The following LAMA2 variants were observed in gnomAD, a reference collection of about 807,000 sequenced individuals.
LAMA2 encodes laminin subunit alpha 2, also known as laminin subunit alpha-2.
LAMA2 carries 269 observed loss-of-function variants against 364.8 expected under a neutral mutation model. That is an observed-to-expected ratio of 0.74 (90% CI 0.67 to 0.82). LAMA2 has a LOEUF of 0.82. Ranked by LOEUF, LAMA2 falls within the 40% of genes least tolerant of loss-of-function variation. The probability of loss-of-function intolerance (pLI) is 0.00; values close to 1 mark genes in which losing one functional copy is unlikely to be tolerated. For synonymous variants in LAMA2, 1,379 were observed against 1,370.6 expected (o/e 1.01, Z -0.14); for missense variants, 3,807 against 3,873.2 (o/e 0.98, Z 0.45).
At chr6:129,304,212 C>A (rs73585571) in intron 22 of LAMA2, among the ~76,000 whole-genome samples, 2 of 151,948 alleles carry the variant, frequency 1.3e-5, no homozygotes, top group African/African-American at 2.4e-5. Flanking sequence ...AAGAACATTC[C>A]TTCTTTTGCT....
intron 1 of LAMA2, among the ~76,000 whole-genome samples, chr6:128,997,637 A>G (rs1784069577): frequency 2.0e-5 from 3 of 151,524 alleles, no homozygotes. Flanking sequence ...TCTACCAAAA[A>G]TGCAAAAATT....
chr6:128,974,720 C>T (rs1782413142), intron 1 of LAMA2, among the ~76,000 whole-genome samples: 1 of 152,116 alleles, frequency 6.6e-6, no homozygotes, highest in Non-Finnish European at 1.5e-5. Flanking sequence ...TTCATTTATC[C>T]ATTCATTCAT....
chr6:129,507,081 A>G (rs1190872707), intron 61 of LAMA2, among the ~76,000 whole-genome samples: 1 of 151,596 alleles, frequency 6.6e-6, no homozygotes, highest in Non-Finnish European at 1.5e-5. Flanking sequence ...TACCTTTTCA[A>G]ATAGAAATTG....
rs186515562 is a variant in LAMA2, at chr6:129,271,034, A to G, written c.2450+283A>G. Among the ~76,000 whole-genome samples the G allele has an allele frequency of 4.0e-3, 613 of 152,282 alleles. 4 individuals carry two copies. The highest frequency in any genetic ancestry group is 0.017 in the Middle Eastern group (5 of 294). On this transcript the variant is annotated intron_variant, in intron 17 of 64. Transcript: ENST00000421865. Reference sequence around the variant, plus strand: ...CAATTCCAAAGAACATAAATATTTTATACAAACACATACATGTGCATGCAT... The same window carrying G: ...CAATTCCAAAGAACATAAATATTTTGTACAAACACATACATGTGCATGCAT...
chr6:128,985,139 C>T (rs964237953), intron 1 of LAMA2, among the ~76,000 whole-genome samples: 1 of 152,010 alleles, frequency 6.6e-6, no homozygotes, highest in African/African-American at 2.4e-5. Context: ...TGTGCATGGT[C>T]CTGAATGTGG....
At chr6:129,315,086 C>A (rs975824370) in intron 24 of LAMA2, among the ~76,000 whole-genome samples, 3 of 152,124 alleles carry the variant, frequency 2.0e-5, no homozygotes, top group African/African-American at 7.2e-5. Context: ...AGAGTGAGGG[C>A]ACCAGAGCAT....
At chr6:129,370,501 G>A (rs1355402964) in intron 34 of LAMA2, among the ~76,000 whole-genome samples, 1 of 152,162 alleles carries the variant, frequency 6.6e-6, no homozygotes, top group African/African-American at 2.4e-5. Context: ...CATTTATCAG[G>A]CTTTTTAAAG....
At chr6:129,249,945 G>T (rs1786052109) in intron 12 of LAMA2, among the ~76,000 whole-genome samples, 167 bp from the exon 13 acceptor site, 1 of 152,078 alleles carries the variant, frequency 6.6e-6, no homozygotes. Context: ...TTCATAAAAG[G>T]TTACTCCTAA....
At chr6:129,039,926 C>T (rs1173738042) in intron 1 of LAMA2, among the ~76,000 whole-genome samples, 1 of 152,122 alleles carries the variant, frequency 6.6e-6, no homozygotes, top group African/African-American at 2.4e-5. Flanking sequence ...GGTCTGCAGC[C>T]CTGGGGTTGG....
At chr6:129,107,026 G>A (rs1384053156) in intron 4 of LAMA2, among the ~76,000 whole-genome samples, 1 of 152,034 alleles carries the variant, frequency 6.6e-6, no homozygotes, top group Admixed American at 6.6e-5. Flanking sequence ...GGTTCTCTCA[G>A]TGTTGTGGAA....
intron 14 of LAMA2, among the ~76,000 whole-genome samples, chr6:129,256,544 T>G (rs1472134292): frequency 6.6e-6 from 1 of 151,720 alleles, no homozygotes; most frequent in Non-Finnish European, 1.5e-5. Context: ...GCAGAAGAAG[T>G]GTGCACAATG....
chr6:129,024,952 C>A (rs1286786971), intron 1 of LAMA2, among the ~76,000 whole-genome samples: 1 of 151,820 alleles, frequency 6.6e-6, no homozygotes, highest in East Asian at 1.9e-4. Context: ...GTAGCAAGAC[C>A]CTATCTCTGA....
intron 1 of LAMA2, among the ~76,000 whole-genome samples, chr6:128,972,427 G>A (rs67885605): frequency 0.07 from 10,623 of 152,236 alleles, 449 homozygotes; most frequent in South Asian, 0.12. Context: ...CCTCATGCTT[G>A]TTGTGAACAT....
At chr6:128,969,231 C>G (rs79602173) in intron 1 of LAMA2, among the ~76,000 whole-genome samples, 10,651 of 152,192 alleles carry the variant, frequency 0.07, 451 homozygotes, top group South Asian at 0.12. Context: ...TTGGTCTCCA[C>G]AGGTTGACAA....
rs1844595 is a variant in LAMA2, at chr6:129,348,474, C to T, written c.4437-824C>T. 1.3e-4 allele frequency among the ~76,000 whole-genome samples: 19 copies of T among 151,912 alleles called. No individual in the cohort carries two copies. In the East Asian group the frequency reaches 1.3e-3, roughly 11 times the overall value. Reference sequence around the variant, plus strand: ...CAATGCATCATTCAGTTTTATCTAACGGGAATGCAGCTGAGAGAAGTTTGT... The same window carrying T: ...CAATGCATCATTCAGTTTTATCTAATGGGAATGCAGCTGAGAGAAGTTTGT... On this transcript the variant is annotated intron_variant, in intron 30 of 64. Transcript: ENST00000421865.
chr6:128,949,576 G>A (rs138195772), intron 1 of LAMA2, among the ~76,000 whole-genome samples: 137 of 152,250 alleles, frequency 9.0e-4, no homozygotes, highest in African/African-American at 3.2e-3. Context: ...GAGGAGAGAA[G>A]GGAAGGAAGG....
At chr6:129,017,470 G>A (rs539306514) in intron 1 of LAMA2, among the ~76,000 whole-genome samples, 2 of 120,482 alleles carry the variant, frequency 1.7e-5, no homozygotes, top group Non-Finnish European at 3.7e-5. Context: ...TATTATGGAA[G>A]ATAAAAGGTT....
intron 12 of LAMA2, among the ~76,000 whole-genome samples, chr6:129,243,736 A>T (rs1460310948): frequency 6.6e-6 from 1 of 152,110 alleles, no homozygotes; most frequent in African/African-American, 2.4e-5. Context: ...AAAAGAAAAA[A>T]AAAATCCCAA....
rs192751982 is a variant in LAMA2 at position 129,326,035 on chromosome 6, T to A, written c.4177-2243T>A. Among the ~76,000 whole-genome samples, 26 of 152,230 alleles carry A rather than the reference T, an allele frequency of 1.7e-4. No individual in the cohort carries two copies. The East Asian group carries it at 4.4e-3, about 26-fold the overall frequency. Reference sequence around the variant, plus strand: ...TTGTATTTTTAGTCAAGACATGGTTTCACCATGTTGGCCAGGCTGGTCTGG... The same window carrying A: ...TTGTATTTTTAGTCAAGACATGGTTACACCATGTTGGCCAGGCTGGTCTGG... On this transcript the variant is annotated intron_variant, in intron 28 of 64. Transcript: ENST00000421865.
Sources: gnomAD v4.1 joint callset for allele counts (sites outside exome capture counted in the v4.1 genomes callset) on GRCh38, gnomAD v4.1.1 for gene constraint, MANE v1.5 for transcripts, NCBI Gene and HGNC (gene_info 2026-07-23, HGNC 2026-07-21) for gene names.